The following SETDB2 variants were observed in gnomAD, a reference collection of about 807,000 sequenced individuals.
The protein encoded by SETDB2 is SET domain bifurcated histone lysine methyltransferase 2.
Under a neutral mutation model 82.5 loss-of-function variants are expected in SETDB2, and 56 were observed. That is an observed-to-expected ratio of 0.68 (90% CI 0.55 to 0.85). The LOEUF is 0.85. Among genes scored for constraint, SETDB2 ranks in the 40% least tolerant of loss-of-function variants. The probability of loss-of-function intolerance (pLI) is 0.00; values close to 1 mark genes in which losing one functional copy is unlikely to be tolerated. For synonymous variants in SETDB2, 272 were observed against 284.9 expected (o/e 0.95, Z 0.46); for missense variants, 677 against 816.4 (o/e 0.83, Z 2.08).
intron 5 of SETDB2, among the ~76,000 whole-genome samples, chr13:49,472,653 G>A (rs1464161185): frequency 6.6e-6 from 1 of 151,866 alleles, no homozygotes; most frequent in African/African-American, 2.4e-5. Flanking sequence ...ATGAAATTAG[G>A]TTACTTTATA....
chr13:49,477,577 A>G (rs1004521809), intron 6 of SETDB2, among the ~76,000 whole-genome samples: 2 of 152,256 alleles, frequency 1.3e-5, no homozygotes, highest in African/African-American at 4.8e-5. Flanking sequence ...CCTTTAATCT[A>G]GTACTAATAC....
At chr13:49,453,785 A>G (rs1437134654) in intron 2 of SETDB2, among the ~76,000 whole-genome samples, 2 of 152,228 alleles carry the variant, frequency 1.3e-5, no homozygotes, top group African/African-American at 4.8e-5. Context: ...AAATGGTATT[A>G]GAAACCAAGG....
chr13:49,494,256 C>G lies in SETDB2; in HGVS notation c.*2407C>G, dbSNP rs1230211747. 1 of 152,016 alleles carries G rather than the reference C, an allele frequency of 6.6e-6. No individual in the cohort carries two copies. Among genetic ancestry groups the G allele is most frequent in the African/African-American group, 2.4e-5 (1 of 41,338 alleles). 9.4% of individuals were successfully genotyped at this position (152,016 alleles called of 1,614,324 possible). On this transcript the variant is annotated 3_prime_UTR_variant, in exon 14 of 14. Transcript: ENST00000611815. ...AGCATCCTATTTTGGCTCATGGTTG[C>G]AGTATTTTATCTCCTTGAAGATGTT...
chr13:49,460,754 C>T (rs1350740746), intron 3 of SETDB2, among the ~76,000 whole-genome samples: 1 of 152,108 alleles, frequency 6.6e-6, no homozygotes, highest in Non-Finnish European at 1.5e-5. Flanking sequence ...GCAAATTTTT[C>T]TCCAGATTAT....
At chr13:49,447,577 G>GC (rs1230321740) in intron 1 of SETDB2, among the ~76,000 whole-genome samples, 2 of 151,822 alleles carry the variant, frequency 1.3e-5, no homozygotes, top group African/African-American at 2.4e-5. Context: ...TTGCTAAGGG[G>GC]CCCCCCCACC....
At chr13:49,460,059 T>G in intron 2 of SETDB2, 48 bp from the exon 3 acceptor site, 1 of 1,563,028 alleles carries the variant, frequency 6.4e-7, no homozygotes, top group Non-Finnish European at 8.7e-7. Flanking sequence ...AGATAAATTA[T>G]AGTATTTTTC....
Position 49,477,109 on chromosome 13 carries a change from A to G in SETDB2, c.869+70A>G, listed in dbSNP as rs1442451277. The stretch of plus-strand genomic sequence containing the variant: ...AGGACGCTTGTTAAGAAGTCTTGCT[A>G]TGTATTAATTTGTCTATCTAAAACC... On this transcript the variant is annotated intron_variant, in intron 6 of 13. Transcript: ENST00000611815. The G allele has an allele frequency of 1.2e-5, 16 of 1,361,426 alleles. No homozygotes were observed. The East Asian group carries it at 1.9e-4, about 16-fold the overall frequency. 84.3% of individuals were successfully genotyped at this position (1,361,426 alleles called of 1,614,324 possible).
At chr13:49,450,888 A>T (rs1310215416) in intron 1 of SETDB2, among the ~76,000 whole-genome samples, 2 of 151,554 alleles carry the variant, frequency 1.3e-5, no homozygotes, top group Non-Finnish European at 2.9e-5. Flanking sequence ...TATTTATTAT[A>T]CTAAAAATTA....
chr13:49,483,187 T>A (rs887079069), intron 9 of SETDB2, among the ~76,000 whole-genome samples: 1 of 152,172 alleles, frequency 6.6e-6, no homozygotes, highest in Non-Finnish European at 1.5e-5. Flanking sequence ...TTTAGTCAGG[T>A]TTTTTATGGA....
At chr13:49,452,419 C>T (rs1023141703) in intron 2 of SETDB2, among the ~76,000 whole-genome samples, 2 of 152,160 alleles carry the variant, frequency 1.3e-5, no homozygotes, top group South Asian at 2.1e-4. Flanking sequence ...AGGTGAGCCA[C>T]TGCACCTGGC....
chr13:49,490,834 C>G lies in SETDB2; in HGVS notation c.1930C>G (p.Pro644Ala). ...VGRFLNHSCC[P>A]NLLVQNVFVE... Reference sequence around the variant, plus strand: ...TTTTATTTAACAGCATAGTTGTTGCCCAAATCTCTTGGTACAGAATGTTTT... The same window carrying G: ...TTTTATTTAACAGCATAGTTGTTGCGCAAATCTCTTGGTACAGAATGTTTT... The change falls in exon 13 of 14, where the codon CCA (proline) becomes GCA (alanine). Residue 644 changes from proline to alanine, a missense_variant. Pro to Ala is a conservative substitution (Grantham distance 27). Transcript: ENST00000611815. The G allele has an allele frequency of 6.2e-7, 1 of 1,609,528 alleles. No individual in the cohort carries two copies. The highest frequency in any genetic ancestry group is 1.3e-5 in the African/African-American group (1 of 74,890).
At position 49,489,815 on chromosome 13, in the gene SETDB2, T is replaced by C. The variant is rs1958670838; in HGVS notation, c.1918-1007T>C. ...TTCACCATGTTGGTCAGGCTGGTCT[T>C]GAACTCCTGACCTCAAGTGATCTGC... On this transcript the variant is annotated intron_variant, in intron 12 of 13. Transcript: ENST00000611815. 3.4e-5 allele frequency among the ~76,000 whole-genome samples: 5 copies of C among 148,956 alleles called. No homozygotes were observed. In the South Asian group the frequency reaches 6.4e-4, roughly 19 times the overall value.
At chr13:49,463,928 C>A (rs1176266375) in intron 4 of SETDB2, 1 of 702,058 alleles carries the variant, frequency 1.4e-6, no homozygotes, top group South Asian at 1.5e-5. Flanking sequence ...TGGGCTGTGC[C>A]TATTGCTGCC....
chr13:49,471,420 C>CT (rs200346844), intron 5 of SETDB2, among the ~76,000 whole-genome samples: 7,333 of 132,716 alleles, frequency 0.055, 382 homozygotes, highest in African/African-American at 0.13. Flanking sequence ...TCTGAATTCC[C>CT]TTTTTTTTTT....
intron 11 of SETDB2, 50 bp downstream of exon 11, chr13:49,485,773 G>T (rs1355959671): frequency 7.1e-7 from 1 of 1,406,788 alleles, no homozygotes; most frequent in Admixed American, 1.7e-5. Flanking sequence ...CTGTTTCTCT[G>T]TCTCTTGCTC....
At chr13:49,480,883 G>C in intron 7 of SETDB2, 64 bp from the exon 8 acceptor site, 1 of 1,551,388 alleles carries the variant, frequency 6.4e-7, no homozygotes, top group Non-Finnish European at 8.8e-7. Flanking sequence ...ATCAGTGTCA[G>C]TGAAGTGTCA....
chr13:49,471,417 TC>T, intron 5 of SETDB2, among the ~76,000 whole-genome samples: 1 of 146,470 alleles, frequency 6.8e-6, no homozygotes. Flanking sequence ...AAGTCTGAAT[TC>T]CCTTTTTTTT....
rs930391537 is a variant in SETDB2, at chr13:49,485,619, G to GT, written c.1483-4dup. The GT allele has an allele frequency of 1.2e-6, 2 of 1,606,538 alleles. No individual in the cohort carries two copies. Among genetic ancestry groups the GT allele is most frequent in the Non-Finnish European group, 1.7e-6 (2 of 1,175,860 alleles). On this transcript the variant is annotated splice_polypyrimidine_tract_variant and intron_variant, in intron 10 of 13. Transcript: ENST00000611815. ...CCTGGAAAGTAAAGACATCTTCCTT[G>GT]TTTTTTTAAGGAATTTGTTTCCTCG...
At position 49,491,856 on chromosome 13, in the gene SETDB2, A is replaced by G. The variant is rs1371243977; in HGVS notation, c.*7A>G. On this transcript the variant is annotated 3_prime_UTR_variant, in exon 14 of 14. Coordinates refer to ENST00000611815, the MANE Select transcript of SETDB2 (RefSeq NM_001160308.3). ...TAGAAAAAAAATATTATAAATATGTAACTAACGCCTGTTTGTGAAATTAGC... is the reference window on the plus strand; with the variant it reads ...TAGAAAAAAAATATTATAAATATGTGACTAACGCCTGTTTGTGAAATTAGC... 1.9e-6 allele frequency: 3 copies of G among 1,546,316 alleles called. No individual in the cohort carries two copies. The highest frequency in any genetic ancestry group is 2.7e-5 in the African/African-American group (2 of 73,594).
Sources: allele counts gnomAD v4.1 joint callset (sites outside exome capture counted in the v4.1 genomes callset), GRCh38; gene constraint gnomAD v4.1.1; transcripts MANE v1.5; gene names NCBI Gene and HGNC (gene_info 2026-07-23, HGNC 2026-07-21).